CMTR1: variants seen among roughly 807,000 people sequenced by gnomAD.
CMTR1 encodes cap-specific mRNA (nucleoside-2'-O-)-methyltransferase 1.
Under a neutral mutation model 107.0 loss-of-function variants are expected in CMTR1, and 39 were observed. The ratio of observed to expected loss-of-function variants is 0.36; its 90% CI spans 0.28 to 0.48. CMTR1 has a LOEUF of 0.48. CMTR1 is among the 20% of genes least tolerant of loss of function. The pLI is 0.99. For missense variants in CMTR1, 672 were observed against 1,064.9 expected (o/e 0.63, Z 5.14); for synonymous variants, 366 against 379.5 (o/e 0.96, Z 0.41).
At chr6:37,477,478 G>T (rs2113896704) in intron 20 of CMTR1, 114 bp from the exon 21 acceptor site, 1 of 916,474 alleles carries the variant, frequency 1.1e-6, no homozygotes. Flanking sequence ...GTGGTTTCAG[G>T]GAGGGCCTGG....
intron 11 of CMTR1, 46 bp downstream of exon 11, chr6:37,461,691 GC>G (rs1241520162): frequency 2.3e-6 from 3 of 1,284,634 alleles, no homozygotes; most frequent in Non-Finnish European, 3.3e-6. Context: ...CCACTTAGAG[GC>G]CCTATTGGAC....
At chr6:37,459,522 T>C in intron 9 of CMTR1, 44 bp from the exon 10 acceptor site, 13 of 1,530,010 alleles carry the variant, frequency 8.5e-6, no homozygotes, top group Non-Finnish European at 1.2e-5. Context: ...GCTCCTGACA[T>C]GTATAGGGCA....
intron 2 of CMTR1, among the ~76,000 whole-genome samples, chr6:37,436,576 T>G (rs1771535491): frequency 6.6e-6 from 1 of 152,228 alleles, no homozygotes; most frequent in Non-Finnish European, 1.5e-5. Context: ...CCTTACCACT[T>G]CTAGCTTCTG....
intron 22 of CMTR1, among the ~76,000 whole-genome samples, chr6:37,478,826 C>T (rs1159583736): frequency 5.9e-5 from 9 of 152,156 alleles, no homozygotes; most frequent in Non-Finnish European, 1.3e-4. Flanking sequence ...GAAAGTCAAG[C>T]TTGGTTTCTG....
At chr6:37,475,898 C>T (rs775987263) in intron 19 of CMTR1, 8 of 553,474 alleles carry the variant, frequency 1.4e-5, no homozygotes, top group African/African-American at 5.7e-5. Flanking sequence ...GAAAACCAAC[C>T]GACATAGTGA....
rs1448022541 is a variant in CMTR1, at chr6:37,458,761, G to A, written c.927G>A (p.Lys309=). ...GMTLKGPNDF[K]LEDFYSASSE... The stretch of plus-strand genomic sequence containing the variant: ...CTTTGAAGGGCCCTAATGACTTCAA[G>A]CTGGAGGACTTCTACTCTGCTTCCA... The change falls in exon 9 of 24, where the codon AAG becomes AAA. Residue 309 remains lysine (K), a synonymous_variant. Coordinates refer to ENST00000373451, the MANE Select transcript of CMTR1 (RefSeq NM_015050.3). This position sits in a 1 kb window ranked among gnomAD's most constrained non-coding sequence, Gnocchi z 4.7. 1 of 1,614,152 alleles carries A rather than the reference G, an allele frequency of 6.2e-7. No individual in the cohort carries two copies. Among genetic ancestry groups the A allele is most frequent in the African/African-American group, 1.3e-5 (1 of 75,042 alleles).
Position 37,446,372 on chromosome 6 carries a change from A to G in CMTR1, c.367A>G (p.Lys123Glu). 6.2e-7 allele frequency: 1 copy of G among 1,614,202 alleles called. No homozygotes were observed. Among genetic ancestry groups the G allele is most frequent in the Non-Finnish European group, 8.5e-7 (1 of 1,180,036 alleles). Residue 123 changes from lysine to glutamate, a missense_variant, in exon 4 of 24, where the codon AAA becomes GAA. Lys to Glu is a moderately conservative substitution (Grantham distance 56). Around this residue, in one of 2 missense-constraint regions of CMTR1, gnomAD observed 583 missense variants for 968.4 expected, o/e 0.60. Transcript: ENST00000373451. ...RKDIVEASSQ[K>E]GRRGLGLTLR... ...GGACATCGTTGAGGCTTCCAGTCAG[A>G]AAGGTCGAAGAGGCTTGGGTCTGAC...
intron 13 of CMTR1, among the ~76,000 whole-genome samples, chr6:37,464,892 CTG>C (rs61375488): frequency 0.33 from 48,389 of 148,118 alleles, 8,005 homozygotes; most frequent in East Asian, 0.56. Context: ...TTCTAAAACG[CTG>C]TGTGTGTGTG....
intron 2 of CMTR1, among the ~76,000 whole-genome samples, chr6:37,443,473 G>A (rs1471215641): frequency 3.3e-5 from 5 of 151,706 alleles, no homozygotes; most frequent in African/African-American, 7.3e-5. Flanking sequence ...TCCTGCCTCA[G>A]CCTCCCAAGT....
In CMTR1 at chr6:37,465,256, ACT is replaced by A. The variant is rs200180403; in HGVS notation, c.1505+2251_1505+2252del. Among the ~76,000 whole-genome samples the A allele has an allele frequency of 9.0e-3, 1,354 of 150,818 alleles. 10 individuals carry two copies. The highest frequency in any genetic ancestry group is 0.015 in the Non-Finnish European group (1,034 of 67,746). ...TACTCCAGCCTGGGCAATGAGTGAG[ACT>A]CTGTCTCAAAAAAAAAAAAAGTATA... On this transcript the variant is annotated intron_variant, in intron 13 of 23. Coordinates refer to ENST00000373451, the MANE Select transcript of CMTR1 (RefSeq NM_015050.3).
In CMTR1 at chr6:37,480,794, C is replaced by A; in HGVS notation, c.*649C>A. 1 of 1,111,240 alleles carries A rather than the reference C, an allele frequency of 9.0e-7. No homozygotes were observed. The highest frequency in any genetic ancestry group is 1.1e-6 in the Non-Finnish European group (1 of 903,530). 68.8% of individuals were successfully genotyped at this position (1,111,240 alleles called of 1,614,324 possible). A position where few individuals can be genotyped will look rare whatever the true frequency, so the allele number is the denominator to read the frequency against. The stretch of plus-strand genomic sequence containing the variant: ...GTGGGAAGGAGGGAGTTTGGGCAAA[C>A]TCTCATCCCTGATACCACATTGAGA... On this transcript the variant is annotated 3_prime_UTR_variant, in exon 24 of 24. Transcript: ENST00000373451.
intron 17 of CMTR1, 128 bp downstream of exon 17, chr6:37,473,729 T>C: frequency 8.9e-7 from 1 of 1,126,410 alleles, no homozygotes; most frequent in Non-Finnish European, 1.2e-6. Context: ...TTGACCCTAG[T>C]GAAGGTATTT....
At chr6:37,454,285 GT>G (rs1161341209) in intron 8 of CMTR1, among the ~76,000 whole-genome samples, 1 of 152,120 alleles carries the variant, frequency 6.6e-6, no homozygotes, top group Non-Finnish European at 1.5e-5. Context: ...GTTCTTTAAT[GT>G]TTCAGCTCCA....
In CMTR1 at chr6:37,480,968, G is replaced by A. The variant is rs1581759239; in HGVS notation, c.*823G>A. Reference sequence around the variant, plus strand: ...CCCCACAGCAGCAGGGGCCCCAGCAGTAACAAAGGGTACCTCCAGGGGTTT... The same window carrying A: ...CCCCACAGCAGCAGGGGCCCCAGCAATAACAAAGGGTACCTCCAGGGGTTT... On this transcript the variant is annotated 3_prime_UTR_variant, in exon 24 of 24. Coordinates refer to ENST00000373451, the MANE Select transcript of CMTR1 (RefSeq NM_015050.3). 1 of 1,271,262 alleles carries A rather than the reference G, an allele frequency of 7.9e-7. No individual in the cohort carries two copies. The highest frequency in any genetic ancestry group is 5.6e-5 in the East Asian group (1 of 17,836). The allele number at this position is 1,271,262 out of a possible 1,614,324, so 78.7% of individuals were successfully genotyped here.
At position 37,461,905 on chromosome 6, in the gene CMTR1, G is replaced by T; in HGVS notation, c.1193-65G>T. 3.8e-6 allele frequency: 6 copies of T among 1,568,308 alleles called. No homozygotes were observed. In the South Asian group the frequency reaches 6.7e-5, roughly 18 times the overall value. ...TTGACTTTGTCATATTTACTCCCAA[G>T]ACTACTTCACCCATCTCTTGGAATA... On this transcript the variant is annotated intron_variant, in intron 11 of 23. Transcript: ENST00000373451.
intron 5 of CMTR1, among the ~76,000 whole-genome samples, chr6:37,450,739 T>C (rs960333809): frequency 6.6e-6 from 1 of 152,182 alleles, no homozygotes; most frequent in Non-Finnish European, 1.5e-5. Flanking sequence ...TTCTGGAAAA[T>C]TGTGAGAATA....
chr6:37,456,678 G>A (rs1761302156), intron 8 of CMTR1, among the ~76,000 whole-genome samples: 1 of 152,172 alleles, frequency 6.6e-6, no homozygotes, highest in Admixed American at 6.5e-5. Context: ...AGGTCCCTAA[G>A]CCCCTTCTGG....
rs1248893479 is a variant in CMTR1 at position 37,480,978 on chromosome 6, G to A, written c.*833G>A. ...GCAGGGGCCCCAGCAGTAACAAAGG[G>A]TACCTCCAGGGGTTTGGGTAGCGCT... On this transcript the variant is annotated 3_prime_UTR_variant, in exon 24 of 24. Coordinates refer to ENST00000373451, the MANE Select transcript of CMTR1 (RefSeq NM_015050.3). 61 of 1,283,400 alleles carry A rather than the reference G, an allele frequency of 4.8e-5. No individual in the cohort carries two copies. The highest frequency in any genetic ancestry group is 6.2e-5 in the Non-Finnish European group (61 of 980,966). 79.5% of individuals were successfully genotyped at this position (1,283,400 alleles called of 1,614,324 possible).
upstream of CMTR1, among the ~76,000 whole-genome samples, chr6:37,430,717 A>G (rs971227837): frequency 1.2e-4 from 19 of 152,156 alleles, no homozygotes; most frequent in South Asian, 2.1e-4. Context: ...TTTGGCATAA[A>G]GTAAGAATCA....
Sources: gnomAD v4.1 joint callset for allele counts (sites outside exome capture counted in the v4.1 genomes callset) on GRCh38, gnomAD v4.1.1 for gene constraint, gnomAD v4.1.1 regional missense constraint, Gnocchi (gnomAD v3.1) non-coding constraint, MANE v1.5 for transcripts, NCBI Gene and HGNC (gene_info 2026-07-23, HGNC 2026-07-21) for gene names.